EPHA3: variants seen among roughly 807,000 people sequenced by gnomAD.
EPHA3 encodes the protein EPH receptor A3, also known as ephrin type-A receptor 3.
A neutral mutation model predicts 107.1 loss-of-function variants in EPHA3; 42 were observed. The ratio of observed to expected loss-of-function variants is 0.39; its 90% CI spans 0.31 to 0.51. The LOEUF is 0.51. EPHA3 is among the 20% of genes least tolerant of loss of function. The pLI is 0.78. For missense variants in EPHA3, 1,183 were observed against 1,211.2 expected (o/e 0.98, Z 0.35); for synonymous variants, 461 against 424.8 (o/e 1.09, Z -1.05).
chr3:89,175,069 AT>A (rs11425521), intron 2 of EPHA3, among the ~76,000 whole-genome samples: 9,259 of 138,490 alleles, frequency 0.067, 665 homozygotes, highest in African/African-American at 0.19. Context: ...AAGTGATAGC[AT>A]TTTTTTTTTT....
At chr3:89,456,850 G>C (rs72923630) in intron 15 of EPHA3, among the ~76,000 whole-genome samples, 4,447 of 152,274 alleles carry the variant, frequency 0.029, 230 homozygotes, top group African/African-American at 0.099. Flanking sequence ...GGCTACAGAT[G>C]TTTATTCAAC....
At chr3:89,434,201 A>G (rs544888667) in intron 13 of EPHA3, among the ~76,000 whole-genome samples, 30 of 152,138 alleles carry the variant, frequency 2.0e-4, no homozygotes, top group Non-Finnish European at 2.6e-4. Context: ...ATGCCATATT[A>G]AATTATTTAT....
chr3:89,440,110 G>T (rs2107545383), intron 13 of EPHA3, among the ~76,000 whole-genome samples: 1 of 152,128 alleles, frequency 6.6e-6, no homozygotes, highest in East Asian at 1.9e-4. Flanking sequence ...TGAACTGCTG[G>T]GGATAAGACT....
intron 5 of EPHA3, among the ~76,000 whole-genome samples, chr3:89,351,269 A>G (rs2107442003): frequency 6.6e-6 from 1 of 151,314 alleles, no homozygotes; most frequent in Non-Finnish European, 1.5e-5. Context: ...AATCAGCGAG[A>G]TTCCGTGGGC....
intron 5 of EPHA3, among the ~76,000 whole-genome samples, chr3:89,360,519 G>T (rs143445713): frequency 2.1e-4 from 31 of 150,920 alleles, no homozygotes; most frequent in African/African-American, 5.8e-4. Context: ...GTCATTTGGC[G>T]CTTCTCTTTC....
At chr3:89,393,640 C>T (rs1262017041) in intron 5 of EPHA3, among the ~76,000 whole-genome samples, 1 of 152,120 alleles carries the variant, frequency 6.6e-6, no homozygotes, top group Non-Finnish European at 1.5e-5. Context: ...CGTTAATGGA[C>T]TTACTTCAGC....
intron 5 of EPHA3, among the ~76,000 whole-genome samples, chr3:89,370,082 T>G (rs1270350607): frequency 6.6e-6 from 1 of 150,682 alleles, no homozygotes; most frequent in Non-Finnish European, 1.5e-5. Context: ...GTTCAACCAT[T>G]GTGGAAGTCA....
intron 13 of EPHA3, among the ~76,000 whole-genome samples, chr3:89,445,588 T>C (rs953211210): frequency 1.3e-5 from 2 of 152,168 alleles, no homozygotes; most frequent in African/African-American, 4.8e-5. Flanking sequence ...GAATGCCACT[T>C]AATTTTTGAG....
intron 5 of EPHA3, among the ~76,000 whole-genome samples, chr3:89,364,328 C>G (rs1708149425): frequency 6.6e-6 from 1 of 150,910 alleles, no homozygotes; most frequent in Admixed American, 6.6e-5. Context: ...TTCAGAACAC[C>G]AGTATTTACC....
chr3:89,330,109 T>A (rs1707253421), intron 3 of EPHA3, among the ~76,000 whole-genome samples: 1 of 152,038 alleles, frequency 6.6e-6, no homozygotes, highest in Admixed American at 6.6e-5. Context: ...AGCACTTATT[T>A]ATCATGGTGT....
At chr3:89,341,497 T>C (rs1280587615) in intron 4 of EPHA3, among the ~76,000 whole-genome samples, 1 of 152,206 alleles carries the variant, frequency 6.6e-6, no homozygotes, top group Non-Finnish European at 1.5e-5. Flanking sequence ...GTTTTGAACA[T>C]AGTGATGAGT....
At chr3:89,358,866 A>G (rs1236093969) in intron 5 of EPHA3, among the ~76,000 whole-genome samples, 1 of 151,248 alleles carries the variant, frequency 6.6e-6, no homozygotes, top group Admixed American at 6.6e-5. Context: ...TGATAATTGC[A>G]TGTGTATTTT....
chr3:89,419,077 G>C (rs1709304716), intron 10 of EPHA3, 128 bp from the exon 11 acceptor site: 1 of 897,930 alleles, frequency 1.1e-6, no homozygotes, highest in Non-Finnish European at 1.7e-6. Flanking sequence ...GAGTACTAGA[G>C]TGTACATCTT....
intron 3 of EPHA3, among the ~76,000 whole-genome samples, chr3:89,239,658 C>T (rs1704849441): frequency 6.6e-6 from 1 of 152,166 alleles, no homozygotes; most frequent in Non-Finnish European, 1.5e-5. Context: ...ACATCACAGA[C>T]ATTTATCACC....
At chr3:89,259,332 A>G (rs1399122174) in intron 3 of EPHA3, among the ~76,000 whole-genome samples, 2 of 152,082 alleles carry the variant, frequency 1.3e-5, no homozygotes, top group African/African-American at 4.8e-5. Flanking sequence ...CTTTTTAGCC[A>G]TTATGTCCAT....
At chr3:89,320,260 C>G (rs1055093132) in intron 3 of EPHA3, among the ~76,000 whole-genome samples, 1 of 151,946 alleles carries the variant, frequency 6.6e-6, no homozygotes, top group African/African-American at 2.4e-5. Flanking sequence ...CCATGACACC[C>G]AAGCCTTTCA....
chr3:89,218,818 A>T (rs948505808), intron 3 of EPHA3, among the ~76,000 whole-genome samples: 1 of 152,214 alleles, frequency 6.6e-6, no homozygotes, highest in African/African-American at 2.4e-5. Flanking sequence ...ATCATTAAAA[A>T]GTCAGGAAAC....
chr3:89,162,134 C>T (rs9868686), intron 2 of EPHA3, among the ~76,000 whole-genome samples: 86,753 of 151,714 alleles, frequency 0.57, 25,112 homozygotes, highest in Admixed American at 0.66. Context: ...CATAATTATC[C>T]TCAGAGCAGG....
At chr3:89,163,136 C>G (rs987211997) in intron 2 of EPHA3, among the ~76,000 whole-genome samples, 1 of 152,036 alleles carries the variant, frequency 6.6e-6, no homozygotes, top group African/African-American at 2.4e-5. Flanking sequence ...AAACTTGAAC[C>G]CTGCCATTGC....
Sources: gnomAD v4.1 joint callset for allele counts (sites outside exome capture counted in the v4.1 genomes callset) on GRCh38, gnomAD v4.1.1 for gene constraint, MANE v1.5 for transcripts, NCBI Gene and HGNC (gene_info 2026-07-23, HGNC 2026-07-21) for gene names.